The following CSMD1 variants were observed in gnomAD, a reference collection of about 807,000 sequenced individuals.
The protein encoded by CSMD1 is CUB and sushi domain-containing protein 1.
A neutral mutation model predicts 417.5 loss-of-function variants in CSMD1; 213 were observed. The observed-to-expected ratio is 0.51, with a 90% CI of 0.46 to 0.57. The LOEUF (loss-of-function observed/expected upper bound fraction) is 0.57. CSMD1 is among the 20% of genes least tolerant of loss of function. The pLI is 0.00. For missense variants in CSMD1, 6,923 were observed against 4,529.7 expected, an observed-to-expected ratio of 1.53 and a Z score of -15.17; for synonymous variants, 2,862 against 1,736.8, an observed-to-expected ratio of 1.65 and a Z score of -16.11.
chr8:3,581,100 A>G (rs1002129523), intron 9 of CSMD1, among the ~76,000 whole-genome samples: 7 of 152,194 alleles, frequency 4.6e-5, no homozygotes, highest in African/African-American at 1.7e-4. Context: ...TCTACAGATC[A>G]AAGTGCATTA....
intron 2 of CSMD1, among the ~76,000 whole-genome samples, chr8:4,431,157 A>C (rs1797849144): frequency 6.6e-6 from 1 of 152,110 alleles, no homozygotes; most frequent in South Asian, 2.1e-4. Flanking sequence ...GATTTGCTCA[A>C]AGGCAAGGGA....
At chr8:4,301,544 T>C (rs1797981808) in intron 3 of CSMD1, among the ~76,000 whole-genome samples, 1 of 152,222 alleles carries the variant, frequency 6.6e-6, no homozygotes, top group South Asian at 2.1e-4. Flanking sequence ...GGTGCAATGT[T>C]TTGGAATTCA....
At chr8:4,649,648 C>A (rs1317306547) in intron 1 of CSMD1, among the ~76,000 whole-genome samples, 1 of 152,156 alleles carries the variant, frequency 6.6e-6, no homozygotes, top group East Asian at 1.9e-4. Flanking sequence ...AAGAACTCTT[C>A]TACTCCTCTT....
chr8:4,900,434 C>T (rs149838823), intron 1 of CSMD1, among the ~76,000 whole-genome samples: 88 of 152,250 alleles, frequency 5.8e-4, no homozygotes, highest in African/African-American at 1.9e-3. Flanking sequence ...GGAGATGCAG[C>T]CTCCTAAATA....
At chr8:3,362,290 C>G (rs62503461) in intron 20 of CSMD1, among the ~76,000 whole-genome samples, 10,447 of 152,218 alleles carry the variant, frequency 0.069, 372 homozygotes, top group African/African-American at 0.096. Flanking sequence ...ATCCTCCCTT[C>G]CAAGACTGTC....
intron 23 of CSMD1, among the ~76,000 whole-genome samples, chr8:3,335,808 A>G (rs145420281): frequency 2.5e-4 from 38 of 152,338 alleles, no homozygotes; most frequent in Admixed American, 6.5e-4. Context: ...AAATCTGCAC[A>G]GTGCTTTACT....
At chr8:3,354,844 C>G (rs1808641225) in intron 21 of CSMD1, among the ~76,000 whole-genome samples, 1 of 87,982 alleles carries the variant, frequency 1.1e-5, no homozygotes, top group Non-Finnish European at 2.2e-5. Flanking sequence ...TATAGATACA[C>G]TAAACCCTCT....
At chr8:3,431,741 C>T (rs767347847) in intron 12 of CSMD1, among the ~76,000 whole-genome samples, 3 of 152,204 alleles carry the variant, frequency 2.0e-5, no homozygotes, top group Non-Finnish European at 2.9e-5. Context: ...TACTTTTGCT[C>T]TATCTACAAC....
At chr8:4,490,398 A>G (rs897555330) in intron 2 of CSMD1, among the ~76,000 whole-genome samples, 9 of 152,246 alleles carry the variant, frequency 5.9e-5, no homozygotes, top group Admixed American at 2.6e-4. Context: ...TCTAAGGAAT[A>G]AAATGTGTAT....
At position 3,394,680 on chromosome 8, in the gene CSMD1, T is replaced by C. The variant is rs535851643; in HGVS notation, c.2593+1514A>G. Among the ~76,000 whole-genome samples, 4 of 152,186 alleles carry C rather than the reference T, an allele frequency of 2.6e-5. No individual in the cohort carries two copies. The South Asian group carries it at 8.3e-4, about 32-fold the overall frequency. The stretch of plus-strand genomic sequence containing the variant: ...GAGAAAATACAAGGCTTATTAGGGA[T>C]CTTACAAATTCAGATCACTGCAATG... On this transcript the variant is annotated intron_variant, in intron 17 of 69. Coordinates refer to ENST00000635120, the MANE Select transcript of CSMD1 (RefSeq NM_033225.6).
intron 3 of CSMD1, among the ~76,000 whole-genome samples, chr8:4,147,934 G>C (rs542581120): frequency 6.6e-6 from 1 of 152,038 alleles, no homozygotes. Context: ...ACAAACTCTG[G>C]GGTGCACCAG....
chr8:4,368,731 G>C (rs548559034), intron 3 of CSMD1, among the ~76,000 whole-genome samples: 142 of 151,986 alleles, frequency 9.3e-4, no homozygotes, highest in Middle Eastern at 3.2e-3. Context: ...TAGTCTCCTA[G>C]GTTTTCTAGT....
chr8:3,666,031 G>C (rs1798676317), intron 7 of CSMD1, among the ~76,000 whole-genome samples: 1 of 152,094 alleles, frequency 6.6e-6, no homozygotes, highest in Non-Finnish European at 1.5e-5. Flanking sequence ...GAGTAGGTGG[G>C]ATTACAGGTG....
rs146917014 is a variant in CSMD1 at position 3,987,741 on chromosome 8, G to A, written c.818+10162C>T. ...TCACTAGCAGCATAAAGTGCAAAAT[G>A]GAATGTAAATATTGACAGGACTCAG... On this transcript the variant is annotated intron_variant, in intron 5 of 69. Transcript: ENST00000635120. 1.7e-4 allele frequency among the ~76,000 whole-genome samples: 26 copies of A among 152,302 alleles called. No homozygotes were observed. The East Asian group carries it at 3.3e-3, about 19-fold the overall frequency.
At chr8:3,941,960 G>T (rs772959420) in intron 5 of CSMD1, among the ~76,000 whole-genome samples, 3 of 152,050 alleles carry the variant, frequency 2.0e-5, no homozygotes, top group Non-Finnish European at 2.9e-5. Context: ...TGTATTTACA[G>T]CCCCTCCCCA....
chr8:3,131,265 T>G (rs919372246), intron 41 of CSMD1, among the ~76,000 whole-genome samples: 32 of 152,102 alleles, frequency 2.1e-4, no homozygotes, highest in African/African-American at 7.0e-4. Flanking sequence ...TGTAGTAACA[T>G]TTTGAAATAT....
At chr8:3,121,441 C>T (rs74836107) in intron 41 of CSMD1, among the ~76,000 whole-genome samples, 1 of 152,126 alleles carries the variant, frequency 6.6e-6, no homozygotes, top group South Asian at 2.1e-4. Flanking sequence ...CTGGCATTGG[C>T]TCCCCCAGGG....
chr8:3,639,630 A>G (rs1160900455), intron 7 of CSMD1, among the ~76,000 whole-genome samples: 2 of 152,340 alleles, frequency 1.3e-5, no homozygotes, highest in East Asian at 3.9e-4. Context: ...CTAAATCCCA[A>G]TTCCCTCATT....
At position 4,221,450 on chromosome 8, in the gene CSMD1, C is replaced by G. The variant is rs571300873; in HGVS notation, c.416-189351G>C. Among the ~76,000 whole-genome samples the G allele has an allele frequency of 1.2e-4, 18 of 151,188 alleles. 2 individuals are homozygous for G. The South Asian group carries it at 3.8e-3, about 32-fold the overall frequency. ...CTACTGGGTTAACAGACAACTGGAA[C>G]TGACTTAGCAGAATTGATAAAGCTG... On this transcript the variant is annotated intron_variant, in intron 3 of 69. Transcript: ENST00000635120.
Sources: allele counts gnomAD v4.1 joint callset (sites outside exome capture counted in the v4.1 genomes callset), GRCh38; gene constraint gnomAD v4.1.1; transcripts MANE v1.5; gene names NCBI Gene and HGNC (gene_info 2026-07-23, HGNC 2026-07-21).